The following PEBP4 variants were observed in gnomAD, a reference collection of about 807,000 sequenced individuals.
The protein encoded by PEBP4 is phosphatidylethanolamine binding protein 4, also known as phosphatidylethanolamine-binding protein 4.
A neutral mutation model predicts 23.9 loss-of-function variants in PEBP4; 22 were observed. That is an observed-to-expected ratio of 0.92 (90% CI 0.66 to 1.31). The LOEUF (loss-of-function observed/expected upper bound fraction) is 1.31, where lower values mean the gene tolerates loss of function less well. Among genes scored for constraint, PEBP4 ranks in the 40% most tolerant of loss-of-function variants. The pLI is 0.00. For synonymous variants in PEBP4, 112 were observed against 99.3 expected (o/e 1.13, Z -0.76); for missense variants, 324 against 281.7 (o/e 1.15, Z -1.07).
chr8:22,917,126 GGA>G (rs548756219), intron 3 of PEBP4, among the ~76,000 whole-genome samples: 119 of 138,920 alleles, frequency 8.6e-4, no homozygotes, highest in African/African-American at 3.2e-3. Flanking sequence ...TGGGGGCGGG[GGA>G]GGGGGGGGTG....
chr8:22,854,237 T>C (rs1807597604), intron 3 of PEBP4, among the ~76,000 whole-genome samples: 1 of 152,230 alleles, frequency 6.6e-6, no homozygotes, highest in African/African-American at 2.4e-5. Context: ...ATTTTAACTC[T>C]AATTTCCATA....
chr8:22,790,478 G>C (rs753390898), intron 4 of PEBP4, among the ~76,000 whole-genome samples: 3 of 152,156 alleles, frequency 2.0e-5, no homozygotes, highest in Admixed American at 2.0e-4. Context: ...AGAGGGGCAC[G>C]GAAGAGGAAG....
intron 4 of PEBP4, among the ~76,000 whole-genome samples, chr8:22,750,292 G>C (rs553616330): frequency 1.3e-5 from 2 of 151,750 alleles, no homozygotes; most frequent in African/African-American, 4.8e-5. Context: ...AGTAGAGACG[G>C]GGTTTCACCA....
intron 3 of PEBP4, among the ~76,000 whole-genome samples, chr8:22,849,152 C>T (rs1251193903): frequency 4.6e-5 from 7 of 152,178 alleles, no homozygotes; most frequent in Non-Finnish European, 4.4e-5. Context: ...TGAAGATGAA[C>T]ATAAAGCAGT....
At chr8:22,794,364 T>C (rs948956374) in intron 4 of PEBP4, among the ~76,000 whole-genome samples, 4 of 152,152 alleles carry the variant, frequency 2.6e-5, no homozygotes, top group Admixed American at 1.3e-4. Flanking sequence ...CAATCTCTGC[T>C]CACTGCAACC....
At chr8:22,738,481 C>T (rs894288120) in intron 4 of PEBP4, among the ~76,000 whole-genome samples, 1 of 152,162 alleles carries the variant, frequency 6.6e-6, no homozygotes. Flanking sequence ...AAGGGAAGCG[C>T]AGCAGTGGGA....
intron 3 of PEBP4, among the ~76,000 whole-genome samples, chr8:22,861,798 A>C (rs1807782306): frequency 6.6e-6 from 1 of 152,204 alleles, no homozygotes; most frequent in Non-Finnish European, 1.5e-5. Context: ...GGTATGGGGT[A>C]GGGGTGGTGG....
At chr8:22,855,017 C>T (rs1331209752) in intron 3 of PEBP4, among the ~76,000 whole-genome samples, 1 of 49,286 alleles carries the variant, frequency 2.0e-5, no homozygotes. Flanking sequence ...CACACACACA[C>T]ACACACACAC....
rs1172826558 is a variant in PEBP4, at chr8:22,927,812, A to T, written c.-7+11T>A. On this transcript the variant is annotated intron_variant, in intron 1 of 6. Transcript: ENST00000256404. Reference sequence around the variant, plus strand: ...CCCCGACCCCAGGGGCCCACTTGGCAGGATAGAGACCTCTGGTTAAGCACA... The same window carrying T: ...CCCCGACCCCAGGGGCCCACTTGGCTGGATAGAGACCTCTGGTTAAGCACA... 2 of 1,516,530 alleles carry T rather than the reference A, an allele frequency of 1.3e-6. No individual in the cohort carries two copies. The highest frequency in any genetic ancestry group is 1.8e-6 in the Non-Finnish European group (2 of 1,115,234). 93.9% of individuals were successfully genotyped at this position (1,516,530 alleles called of 1,614,324 possible).
chr8:22,912,732 C>T (rs1253254841), intron 3 of PEBP4, among the ~76,000 whole-genome samples: 1 of 152,210 alleles, frequency 6.6e-6, no homozygotes, highest in African/African-American at 2.4e-5. Context: ...ATCCTCACTC[C>T]CCTTTCACCC....
intron 4 of PEBP4, among the ~76,000 whole-genome samples, chr8:22,762,036 TA>T (rs896960328): frequency 4.0e-5 from 6 of 151,542 alleles, no homozygotes; most frequent in Admixed American, 6.6e-5. Flanking sequence ...AACTACTTTC[TA>T]ACCCCCACCT....
rs118123610 is a variant in PEBP4, at chr8:22,798,342, C to T, written c.357+19295G>A. Among the ~76,000 whole-genome samples, 297 of 152,268 alleles carry T rather than the reference C, an allele frequency of 2.0e-3. 2 individuals are homozygous for T. Among genetic ancestry groups the T allele is most frequent in the Non-Finnish European group, 3.3e-3 (224 of 68,020 alleles). On this transcript the variant is annotated intron_variant, in intron 4 of 6. Transcript: ENST00000256404. ...CATACACAAACTAACGAATCCAGAGCCCATTCCCCCAACTACCTCCTTTAT... is the reference window on the plus strand; with the variant it reads ...CATACACAAACTAACGAATCCAGAGTCCATTCCCCCAACTACCTCCTTTAT...
chr8:22,903,774 T>C (rs1028137813), intron 3 of PEBP4, among the ~76,000 whole-genome samples: 1 of 152,232 alleles, frequency 6.6e-6, no homozygotes, highest in Admixed American at 6.5e-5. Flanking sequence ...CCTCCCAGAA[T>C]AGGCATAGGA....
chr8:22,784,853 C>T (rs1202033158), intron 4 of PEBP4, among the ~76,000 whole-genome samples: 1 of 152,234 alleles, frequency 6.6e-6, no homozygotes, highest in African/African-American at 2.4e-5. Context: ...TTCGAGGTTA[C>T]ATAACCCTCT....
At chr8:22,734,967 A>C (rs1241214444) in intron 4 of PEBP4, among the ~76,000 whole-genome samples, 1 of 152,186 alleles carries the variant, frequency 6.6e-6, no homozygotes, top group Non-Finnish European at 1.5e-5. Context: ...AGGCTTGAAA[A>C]GTACAGGCTG....
At chr8:22,780,769 G>A (rs988011255) in intron 4 of PEBP4, among the ~76,000 whole-genome samples, 7 of 152,202 alleles carry the variant, frequency 4.6e-5, no homozygotes, top group African/African-American at 1.4e-4. Context: ...TCCTGAGGGC[G>A]TCTAAGGCTC....
intron 3 of PEBP4, among the ~76,000 whole-genome samples, chr8:22,918,020 A>G (rs951626979): frequency 3.9e-5 from 6 of 152,164 alleles, no homozygotes; most frequent in African/African-American, 7.2e-5. Flanking sequence ...AGTTTTGTGA[A>G]CCAATGTTTC....
chr8:22,875,121 T>C (rs1302374647), intron 3 of PEBP4, among the ~76,000 whole-genome samples: 1 of 152,028 alleles, frequency 6.6e-6, no homozygotes, highest in Non-Finnish European at 1.5e-5. Flanking sequence ...GTTAGTGAAA[T>C]AATGAATTTA....
At chr8:22,883,560 G>T (rs760327418) in intron 3 of PEBP4, among the ~76,000 whole-genome samples, 1 of 151,444 alleles carries the variant, frequency 6.6e-6, no homozygotes, top group Non-Finnish European at 1.5e-5. Flanking sequence ...TAGTTCCTTC[G>T]ACAGAAAAAT....
Sources: allele counts gnomAD v4.1 joint callset (sites outside exome capture counted in the v4.1 genomes callset), GRCh38; gene constraint gnomAD v4.1.1; transcripts MANE v1.5; gene names NCBI Gene and HGNC (gene_info 2026-07-23, HGNC 2026-07-21).